Variants in ERAP2 observed in about 807,000 individuals in gnomAD.
ERAP2 encodes endoplasmic reticulum aminopeptidase 2, also known as leukocyte-derived arginine aminopeptidase.
A neutral mutation model predicts 111.1 loss-of-function variants in ERAP2; 118 were observed. The ratio of observed to expected loss-of-function variants is 1.06; its 90% confidence interval spans 0.92 to 1.24. The LOEUF (loss-of-function observed/expected upper bound fraction) is 1.24, where lower values mean the gene tolerates loss of function less well. ERAP2 is among the 50% of genes most tolerant of loss of function. The probability of loss-of-function intolerance (pLI) is 0.00; values close to 1 mark genes in which losing one functional copy is unlikely to be tolerated. For synonymous variants in ERAP2, 410 were observed against 401.2 expected (o/e 1.02, Z -0.26); for missense variants, 1,131 against 1,125.8 (o/e 1.00, Z -0.07).
intron 12 of ERAP2, 77 bp from the exon 13 acceptor site, chr5:96,903,300 T>G (rs1016870286): frequency 8.6e-7 from 1 of 1,157,350 alleles, no homozygotes; most frequent in African/African-American, 1.6e-5. Context: ...AGTAATTTGA[T>G]TAAAAATAAC....
Position 96,914,144 on chromosome 5 carries a change from T to TCACACACACA in ERAP2, c.2657+688_2657+689insACACACACAC, listed in dbSNP as rs1218635569. On this transcript the variant is annotated intron_variant, in intron 17 of 18. Transcript: ENST00000437043. ...ATTGCTTTCTGTCTCTCTCTCTCTC[T>TCACACACACA]CTCTCACACACACACACACACACAA... 3.9e-5 allele frequency among the ~76,000 whole-genome samples: 4 copies of TCACACACACA among 101,592 alleles called. No homozygotes were observed. The South Asian group carries it at 1.2e-3, about 30-fold the overall frequency. The allele number at this position is 101,592 out of a possible 152,430, so 66.6% of individuals were successfully genotyped here. A position where few individuals can be genotyped will look rare whatever the true frequency, so the allele number is the denominator to read the frequency against.
At position 96,903,458 on chromosome 5, in the gene ERAP2, G is replaced by A. The variant is rs1785701828; in HGVS notation, c.1910G>A (p.Gly637Asp). The stretch of plus-strand genomic sequence containing the variant: ...GGTTACTACATCGTTCACTATGAGG[G>A]TCATGGATGGGACCAACTCATTACA... ...SNGYYIVHYE[G>D]HGWDQLITQL... The change falls in exon 13 of 19, where the codon GGT becomes GAT. Residue 637 changes from glycine to aspartate, a missense_variant. Gly to Asp is a moderately conservative substitution (Grantham distance 94, BLOSUM62 -1). Transcript: ENST00000437043. 2 of 1,614,002 alleles carry A rather than the reference G, an allele frequency of 1.2e-6. No homozygotes were observed.
rs781292209 is a variant in ERAP2 at position 96,901,486 on chromosome 5, A to G, written c.1573-20A>G. 6.2e-6 allele frequency: 10 copies of G among 1,611,178 alleles called. No homozygotes were observed. The highest frequency in any genetic ancestry group is 5.0e-5 in the Admixed American group (3 of 59,914). ...ATTGTCTCCTCTCTCTTGAGTTATC[A>G]TAGTCACCTGTCATTTCAGCTCGCC... On this transcript the variant is annotated intron_variant, in intron 10 of 18. Transcript: ENST00000437043.
chr5:96,892,227 T>G, intron 5 of ERAP2, 72 bp from the exon 6 acceptor site: 1 of 1,502,524 alleles, frequency 6.7e-7, no homozygotes, highest in Non-Finnish European at 9.2e-7. Context: ...CATAGTGTAT[T>G]TGAGCAGAGA....
At chr5:96,897,571 T>C (rs1327939172) in intron 9 of ERAP2, among the ~76,000 whole-genome samples, 2 of 152,168 alleles carry the variant, frequency 1.3e-5, no homozygotes, top group African/African-American at 4.8e-5. Flanking sequence ...GCACCTAGCA[T>C]ATGTTGATCT....
At position 96,902,254 on chromosome 5, in the gene ERAP2, A is replaced by G. The variant is rs1332415581; in HGVS notation, c.1749-20A>G. On this transcript the variant is annotated intron_variant, in intron 11 of 18. Coordinates refer to ENST00000437043, the MANE Select transcript of ERAP2 (RefSeq NM_022350.5). Reference sequence around the variant, plus strand: ...AGCAGCATTCTTTTGGTCTGTAACTATCTTTACTCTCTGTCATAGGTACCT... The same window carrying G: ...AGCAGCATTCTTTTGGTCTGTAACTGTCTTTACTCTCTGTCATAGGTACCT... 3 of 1,541,032 alleles carry G rather than the reference A, an allele frequency of 1.9e-6. No homozygotes were observed. Among genetic ancestry groups the G allele is most frequent in the African/African-American group, 1.4e-5 (1 of 73,412 alleles).
intron 4 of ERAP2, 88 bp from the exon 5 acceptor site, chr5:96,889,097 T>C (rs1367934486): frequency 6.3e-5 from 93 of 1,476,576 alleles, no homozygotes; most frequent in Non-Finnish European, 7.9e-5. Context: ...AAAGATACAG[T>C]CTGCCTTTCT....
At chr5:96,876,445 A>G (rs1204241817), upstream of ERAP2, 1 of 152,372 alleles carries the variant, frequency 6.6e-6, no homozygotes, top group Non-Finnish European at 1.5e-5. Context: ...CTCAGGAAGC[A>G]TGCAAAGTTC....
intron 18 of ERAP2, among the ~76,000 whole-genome samples, chr5:96,916,271 C>G (rs1371948937): frequency 6.6e-6 from 1 of 151,446 alleles, no homozygotes; most frequent in Non-Finnish European, 1.5e-5. Flanking sequence ...AAAAAAAAGC[C>G]CCTGACTCTT....
At position 96,905,944 on chromosome 5, in the gene ERAP2, A is replaced by ATT. The variant is rs34095051; in HGVS notation, c.2012+2398_2012+2399dup. On this transcript the variant is annotated intron_variant, in intron 13 of 18. Transcript: ENST00000437043. ...GAGAGATAATTTTTTTTTCTTTTTA[A>ATT]TTTTTTTTTTTTTTTGTAGAGACAG... 1.1e-3 allele frequency among the ~76,000 whole-genome samples: 159 copies of ATT among 139,618 alleles called. 2 individuals carry two copies. Among genetic ancestry groups the ATT allele is most frequent in the South Asian group, 2.0e-3 (9 of 4,408 alleles). 91.6% of individuals were successfully genotyped at this position (139,618 alleles called of 152,430 possible).
At chr5:96,894,635 A>T (rs1784685971) in intron 6 of ERAP2, among the ~76,000 whole-genome samples, 1 of 152,190 alleles carries the variant, frequency 6.6e-6, no homozygotes, top group Non-Finnish European at 1.5e-5. Flanking sequence ...ATATTTATGC[A>T]TCCTTTTTAT....
In ERAP2 at chr5:96,918,137, G is replaced by A. The variant is rs539079486; in HGVS notation, c.*532G>A. The A allele has an allele frequency of 6.6e-6, 1 of 152,322 alleles. No individual in the cohort carries two copies. Among genetic ancestry groups the A allele is most frequent in the African/African-American group, 2.4e-5 (1 of 41,390 alleles). The allele number at this position is 152,322 out of a possible 1,614,324, so 9.4% of individuals were successfully genotyped here. ...GCATGATGATGGAGTGGTGGGGGAAGGCCAGTTCAGTATCCTATTTAAAAG... is the reference window on the plus strand; with the variant it reads ...GCATGATGATGGAGTGGTGGGGGAAAGCCAGTTCAGTATCCTATTTAAAAG... On this transcript the variant is annotated 3_prime_UTR_variant, in exon 19 of 19. Coordinates refer to ENST00000437043, the MANE Select transcript of ERAP2 (RefSeq NM_022350.5).
In ERAP2 at chr5:96,909,741, G is replaced by T; in HGVS notation, c.2331G>T (p.Trp777Cys). The T allele has an allele frequency of 6.2e-7, 1 of 1,614,090 alleles. No individual in the cohort carries two copies. Among genetic ancestry groups the T allele is most frequent in the East Asian group, 2.2e-5 (1 of 44,876 alleles). ...IQKAAELFSQ[W>C]MESSGKLNIP... The stretch of plus-strand genomic sequence containing the variant: ...AAGCTGCTGAACTCTTCTCCCAGTG[G>T]ATGGAATCCAGTGGAAAATTAAAGT... The change falls in exon 15 of 19, where the codon TGG becomes TGT. Residue 777 changes from tryptophan (W) to cysteine (C), a missense_variant. This residue lies in a region of ERAP2 where 279 missense variants were observed against 250.9 expected (regional missense o/e 1.11). Coordinates refer to ENST00000437043, the MANE Select transcript of ERAP2 (RefSeq NM_022350.5).
At chr5:96,909,152 T>C in intron 14 of ERAP2, 35 bp downstream of exon 14, 1 of 1,599,010 alleles carries the variant, frequency 6.3e-7, no homozygotes, top group Non-Finnish European at 8.6e-7. Flanking sequence ...ATTAAGTAAA[T>C]ACACAGTGTC....
intron 9 of ERAP2, among the ~76,000 whole-genome samples, chr5:96,899,472 T>C (rs1785222756): frequency 6.6e-6 from 1 of 152,250 alleles, no homozygotes; most frequent in South Asian, 2.1e-4. Context: ...TGCTGTTATT[T>C]TTCATAAGAT....
intron 16 of ERAP2, 76 bp from the exon 17 acceptor site, chr5:96,913,241 A>C (rs1787003627): frequency 8.7e-7 from 1 of 1,148,714 alleles, no homozygotes; most frequent in Admixed American, 2.5e-5. Flanking sequence ...TATTCTTTTA[A>C]TATATTGGTG....
chr5:96,880,279 A>C lies in ERAP2; in HGVS notation c.575+19A>C, dbSNP rs1368308252. 1 of 1,583,236 alleles carries C rather than the reference A, an allele frequency of 6.3e-7. No individual in the cohort carries two copies. Among genetic ancestry groups the C allele is most frequent in the East Asian group, 2.2e-5 (1 of 44,484 alleles). ...AAACAAGGTAAGAACTTGCTCAGGT[A>C]ATTTACATTCTTTTGTGATAATTTC... On this transcript the variant is annotated intron_variant, in intron 2 of 18. Transcript: ENST00000437043.
chr5:96,899,912 G>A (rs933469753), intron 9 of ERAP2, among the ~76,000 whole-genome samples: 2 of 152,162 alleles, frequency 1.3e-5, no homozygotes, highest in African/African-American at 2.4e-5. Context: ...TTACACATGC[G>A]TATATATAAC....
intron 18 of ERAP2, 127 bp from the exon 19 acceptor site, chr5:96,917,335 C>T (rs543063496): frequency 1.1e-5 from 8 of 696,132 alleles, no homozygotes; most frequent in Middle Eastern, 4.4e-4. Context: ...TGCCTAGGCT[C>T]GTATTGAACT....
Sources: gnomAD v4.1 joint callset for allele counts (sites outside exome capture counted in the v4.1 genomes callset) on GRCh38, gnomAD v4.1.1 for gene constraint, gnomAD v4.1.1 regional missense constraint, MANE v1.5 for transcripts, NCBI Gene and HGNC (gene_info 2026-07-23, HGNC 2026-07-21) for gene names.